HAVCR2: variants seen among roughly 807,000 people sequenced by gnomAD.
HAVCR2 encodes the protein hepatitis A virus cellular receptor 2.
HAVCR2 carries 13 observed loss-of-function variants against 24.7 expected under a neutral mutation model. That is an observed-to-expected ratio of 0.53 (90% CI 0.34 to 0.84). The LOEUF is 0.84. Ranked by LOEUF, HAVCR2 falls within the 40% of genes least tolerant of loss-of-function variation. The pLI, the probability that HAVCR2 is intolerant of heterozygous loss-of-function variation, is 0.01. For synonymous variants in HAVCR2, 154 were observed against 143.4 expected, an observed-to-expected ratio of 1.07 and a Z score of -0.53; for missense variants, 343 against 371.2, an observed-to-expected ratio of 0.92 and a Z score of 0.62.
At chr5:157,089,977 A>G (rs1756972389) in intron 5 of HAVCR2, among the ~76,000 whole-genome samples, 1 of 152,098 alleles carries the variant, frequency 6.6e-6, no homozygotes, top group South Asian at 2.1e-4. Context: ...GCTGAAAACA[A>G]CTACGTTATC....
Position 157,087,280 on chromosome 5 carries a change from G to C in HAVCR2, c.728C>G (p.Ala243Gly). ...TGCCAATCCTGAGGGAGGGAGGTTG[G>C]CCAAAGAGATGAGGCTGTGGAAATA... ...KIQNLSLISLANLPPSGLANA... is the reference protein window; with the variant it reads ...KIQNLSLISLGNLPPSGLANA... The change falls in exon 7 of 7, where the codon GCC (alanine) becomes GGC (glycine). Residue 243 changes from alanine to glycine, a missense_variant. Coordinates refer to ENST00000307851, the MANE Select transcript of HAVCR2 (RefSeq NM_032782.5). 6.2e-7 allele frequency: 1 copy of C among 1,609,806 alleles called. No homozygotes were observed. The highest frequency in any genetic ancestry group is 8.5e-7 in the Non-Finnish European group (1 of 1,178,844).
chr5:157,103,448 A>T (rs911338367), intron 3 of HAVCR2, among the ~76,000 whole-genome samples: 8 of 152,044 alleles, frequency 5.3e-5, no homozygotes, highest in African/African-American at 1.9e-4. Flanking sequence ...CCCTTCTAGC[A>T]CTATGGTTGT....
At chr5:157,089,064 T>C (rs751935562) in intron 5 of HAVCR2, 87 bp from the exon 6 acceptor site, 40 of 1,187,262 alleles carry the variant, frequency 3.4e-5, no homozygotes, top group Non-Finnish European at 4.5e-5. Context: ...GAAGCACGCA[T>C]AGTTTAGGGA....
chr5:157,100,371 A>G (rs1191419874), intron 3 of HAVCR2, among the ~76,000 whole-genome samples: 1 of 152,184 alleles, frequency 6.6e-6, no homozygotes, highest in African/African-American at 2.4e-5. Context: ...GTCATTATGA[A>G]GAGGGTCACG....
At chr5:157,091,310 C>G (rs1180940218) in intron 5 of HAVCR2, among the ~76,000 whole-genome samples, 1 of 151,920 alleles carries the variant, frequency 6.6e-6, no homozygotes, top group Non-Finnish European at 1.5e-5. Flanking sequence ...CCAGGCATGG[C>G]GGCACATGCA....
rs1561620609 is a variant in HAVCR2 at position 157,095,330 on chromosome 5, TAA to T, written c.650_651del (p.Leu217HisfsTer13). ...AGICAGLALA[L>X]IFGALIFKWY... The stretch of plus-strand genomic sequence containing the variant: ...CATTTGAAAATTAAAGCGCCGAAGA[TAA>T]GAGCCAGAGCCAGCCCAGCACAGAT... On this transcript the variant is annotated frameshift_variant, in exon 5 of 7. Transcript: ENST00000307851. LOFTEE classifies it high-confidence loss of function. 6.2e-7 allele frequency: 1 copy of T among 1,613,872 alleles called. No homozygotes were observed. Among genetic ancestry groups the T allele is most frequent in the Non-Finnish European group, 8.5e-7 (1 of 1,179,936 alleles).
chr5:157,108,119 A>T (rs1444345740), intron 1 of HAVCR2, among the ~76,000 whole-genome samples: 1 of 151,952 alleles, frequency 6.6e-6, no homozygotes, highest in East Asian at 1.9e-4. Context: ...TTTTCTTTTG[A>T]TTTTTTATGT....
chr5:157,087,923 A>T (rs1756939177), intron 6 of HAVCR2, among the ~76,000 whole-genome samples: 3 of 149,922 alleles, frequency 2.0e-5, no homozygotes, highest in African/African-American at 7.3e-5. Flanking sequence ...AAAAAAAATT[A>T]TTAATGCTTT....
chr5:157,089,796 A>G (rs1756969128), intron 5 of HAVCR2, among the ~76,000 whole-genome samples: 1 of 152,120 alleles, frequency 6.6e-6, no homozygotes, highest in Admixed American at 6.6e-5. Flanking sequence ...ACGTGGCTGG[A>G]TTAAGGGAGC....
At chr5:157,089,728 A>T (rs551153215) in intron 5 of HAVCR2, among the ~76,000 whole-genome samples, 1 of 152,298 alleles carries the variant, frequency 6.6e-6, no homozygotes, top group South Asian at 2.1e-4. Context: ...AGCCAGAAGG[A>T]GCATTCCAGG....
intron 3 of HAVCR2, among the ~76,000 whole-genome samples, chr5:157,099,533 T>C (rs183974528): frequency 2.0e-4 from 30 of 152,052 alleles, no homozygotes; most frequent in African/African-American, 7.0e-4. Context: ...ATTACAGGTG[T>C]GAACGACCAG....
At chr5:157,107,162 C>A in intron 1 of HAVCR2, 200 bp from the exon 2 acceptor site, 2 of 556,890 alleles carry the variant, frequency 3.6e-6, no homozygotes, top group East Asian at 5.7e-5. Context: ...ACACAGATTG[C>A]TGGGCTCAAC....
intron 5 of HAVCR2, among the ~76,000 whole-genome samples, chr5:157,091,980 T>G (rs1365816449): frequency 6.6e-6 from 1 of 152,036 alleles, no homozygotes; most frequent in Non-Finnish European, 1.5e-5. Flanking sequence ...AGGGAAAAGA[T>G]TGGAAATGAA....
rs1438318659 is a variant in HAVCR2, at chr5:157,109,037, C to T, written c.-54G>A. ...ACCTCTGTTAGGCACAGTTTTAACTCTCCAAATGGACTGGGTACTTCTTCC... is the reference window on the plus strand; with the variant it reads ...ACCTCTGTTAGGCACAGTTTTAACTTTCCAAATGGACTGGGTACTTCTTCC... On this transcript the variant is annotated 5_prime_UTR_variant, in exon 1 of 7. Transcript: ENST00000307851. 4 of 1,522,612 alleles carry T rather than the reference C, an allele frequency of 2.6e-6. No homozygotes were observed. In the African/African-American group the frequency reaches 4.1e-5, roughly 16 times the overall value. The allele number at this position is 1,522,612 out of a possible 1,614,324, so 94.3% of individuals were successfully genotyped here.
chr5:157,087,360 A>C, intron 6 of HAVCR2, 66 bp from the exon 7 acceptor site: 1 of 1,386,840 alleles, frequency 7.2e-7, no homozygotes, highest in Non-Finnish European at 9.8e-7. Context: ...GAGTTAAGAG[A>C]ATAGGCTTTC....
intron 3 of HAVCR2, among the ~76,000 whole-genome samples, chr5:157,100,774 G>T (rs1428815859): frequency 6.6e-6 from 1 of 152,002 alleles, no homozygotes; most frequent in Non-Finnish European, 1.5e-5. Context: ...AATTACTTTT[G>T]CCCTAATTAC....
At chr5:157,090,800 A>G (rs142675577) in intron 5 of HAVCR2, among the ~76,000 whole-genome samples, 1 of 152,330 alleles carries the variant, frequency 6.6e-6, no homozygotes, top group Non-Finnish European at 1.5e-5. Context: ...AGAATAATGA[A>G]AACACTTTAG....
rs150014351 is a variant in HAVCR2, at chr5:157,088,075, A to G, written c.714-781T>C. On this transcript the variant is annotated intron_variant, in intron 6 of 6. Transcript: ENST00000307851. ...TGTGCTCCAGCAATCCTTCCACCTA[A>G]TGTTTCCATTTTTTTGTAGAGAAGA... 4.0e-3 allele frequency among the ~76,000 whole-genome samples: 603 copies of G among 151,972 alleles called. 7 individuals carry two copies. Among genetic ancestry groups the G allele is most frequent in the African/African-American group, 0.013 (547 of 41,476 alleles).
At chr5:157,094,880 G>A (rs565611990) in intron 5 of HAVCR2, among the ~76,000 whole-genome samples, 1 of 150,702 alleles carries the variant, frequency 6.6e-6, no homozygotes, top group Admixed American at 6.6e-5. Flanking sequence ...ACAGAAGGAA[G>A]TGTTTTTTGT....
Sources: allele counts gnomAD v4.1 joint callset (sites outside exome capture counted in the v4.1 genomes callset), GRCh38; gene constraint gnomAD v4.1.1; transcripts MANE v1.5; gene names NCBI Gene and HGNC (gene_info 2026-07-23, HGNC 2026-07-21).